The following ZNF804B variants were observed in gnomAD, a reference collection of about 807,000 sequenced individuals.
The protein encoded by ZNF804B is zinc finger protein 804B.
In ZNF804B, 80 loss-of-function variants were observed where a neutral mutation model predicts 101.4. That is an observed-to-expected ratio of 0.79 (90% CI 0.66 to 0.95). The LOEUF is 0.95. Ranked by LOEUF, ZNF804B falls within the 40% of genes least tolerant of loss-of-function variation. ZNF804B has a pLI of 0.00. For synonymous variants in ZNF804B, 622 were observed against 558.8 expected (o/e 1.11, Z -1.59); for missense variants, 1,673 against 1,561.9 (o/e 1.07, Z -1.20).
At chr7:89,306,067 A>T (rs10281869) in intron 2 of ZNF804B, among the ~76,000 whole-genome samples, 35,209 of 151,804 alleles carry the variant, frequency 0.23, 4,423 homozygotes, top group Admixed American at 0.28. Flanking sequence ...AAAATAAGGG[A>T]TATATAAAGA....
rs1791040593 is a variant in ZNF804B at position 89,334,464 on chromosome 7, A to G, written c.1482A>G (p.Leu494=). The G allele has an allele frequency of 6.2e-7, 1 of 1,613,822 alleles. No individual in the cohort carries two copies. Among genetic ancestry groups the G allele is most frequent in the Non-Finnish European group, 8.5e-7 (1 of 1,179,858 alleles). The change falls in exon 4 of 4, where the codon CTA becomes CTG. Residue 494 remains leucine (L), a synonymous_variant. Transcript: ENST00000333190. ...GGAACACAAAGGAAGACCACAATCT[A>G]GAGGACTTAAAAACAGAATTGGGTA... ...LSRNTKEDHN[L]EDLKTELGKK... is the part of the protein sequence containing the mutation.
intron 1 of ZNF804B, among the ~76,000 whole-genome samples, chr7:88,864,653 A>C (rs897675165): frequency 2.2e-4 from 33 of 152,158 alleles, no homozygotes; most frequent in Non-Finnish European, 5.9e-5. Flanking sequence ...CCCCTGGGTC[A>C]ACTGGCCCCA....
intron 1 of ZNF804B, among the ~76,000 whole-genome samples, chr7:88,818,034 A>C (rs953225859): frequency 7.2e-5 from 11 of 152,172 alleles, no homozygotes; most frequent in Non-Finnish European, 2.9e-5. Context: ...AGGCCACTTT[A>C]TTTCTCAGGC....
intron 1 of ZNF804B, among the ~76,000 whole-genome samples, chr7:88,779,294 T>C (rs1790190278): frequency 1.3e-5 from 2 of 152,214 alleles, no homozygotes; most frequent in African/African-American, 2.4e-5. Flanking sequence ...ATGAATTTTT[T>C]GTGCCCATTG....
chr7:88,991,557 T>C lies in ZNF804B; in HGVS notation c.109-226598T>C, dbSNP rs193195741. Among the ~76,000 whole-genome samples, 3 of 152,248 alleles carry C rather than the reference T, an allele frequency of 2.0e-5. No individual in the cohort carries two copies. The East Asian group carries it at 5.8e-4, about 30-fold the overall frequency. On this transcript the variant is annotated intron_variant, in intron 1 of 3. Coordinates refer to ENST00000333190, the MANE Select transcript of ZNF804B (RefSeq NM_181646.5). ...CTTCTGAGCTGTGTTCTTCAACCAG[T>C]TTCTCAGAAAATCCAGGAATCTAAC...
intron 1 of ZNF804B, among the ~76,000 whole-genome samples, chr7:88,865,150 C>T (rs971701053): frequency 6.6e-6 from 1 of 151,460 alleles, no homozygotes; most frequent in East Asian, 2.0e-4. Flanking sequence ...ATCACTTGAA[C>T]CCAGGAGGCG....
At chr7:89,054,053 G>A (rs1470259577) in intron 1 of ZNF804B, among the ~76,000 whole-genome samples, 1 of 151,850 alleles carries the variant, frequency 6.6e-6, no homozygotes, top group African/African-American at 2.4e-5. Context: ...CACTTAAAAT[G>A]TGGTTATTTG....
intron 1 of ZNF804B, among the ~76,000 whole-genome samples, chr7:88,778,421 A>G (rs1284709566): frequency 6.6e-6 from 1 of 152,220 alleles, no homozygotes; most frequent in East Asian, 1.9e-4. Flanking sequence ...CAGCACTCAC[A>G]GGTCCTGATC....
chr7:89,221,876 C>A (rs1584065587), intron 2 of ZNF804B, among the ~76,000 whole-genome samples: 1 of 152,032 alleles, frequency 6.6e-6, no homozygotes, highest in East Asian at 1.9e-4. Context: ...CTGTGTGCTA[C>A]TGTGTCCATT....
chr7:88,833,547 A>T (rs1232735137), intron 1 of ZNF804B, among the ~76,000 whole-genome samples: 1 of 92,172 alleles, frequency 1.1e-5, no homozygotes, highest in Non-Finnish European at 2.1e-5. Flanking sequence ...AGTAAAAGAT[A>T]GGAAAATTTA....
At chr7:89,038,141 G>A (rs1034872351) in intron 1 of ZNF804B, among the ~76,000 whole-genome samples, 1 of 152,122 alleles carries the variant, frequency 6.6e-6, no homozygotes, top group Non-Finnish European at 1.5e-5. Context: ...AAACACTGGG[G>A]TGCAGGTATC....
At chr7:89,299,627 C>T (rs961070066) in intron 2 of ZNF804B, among the ~76,000 whole-genome samples, 1 of 152,026 alleles carries the variant, frequency 6.6e-6, no homozygotes, top group East Asian at 1.9e-4. Flanking sequence ...TGCTTTTCAG[C>T]AATTTACTCA....
In ZNF804B at chr7:89,334,042, G is replaced by C; in HGVS notation, c.1060G>C (p.Glu354Gln). Reference protein sequence around the residue: ...ETRNTLKNTLENCVNHPCQAN... With the variant: ...ETRNTLKNTLQNCVNHPCQAN... ...TAGAAATACATTGAAGAACACTTTAGAAAATTGTGTTAATCACCCATGCCA... is the reference window on the plus strand; with the variant it reads ...TAGAAATACATTGAAGAACACTTTACAAAATTGTGTTAATCACCCATGCCA... Residue 354 changes from glutamate to glutamine, a missense_variant, in exon 4 of 4, where the codon GAA becomes CAA. Glu to Gln is a conservative substitution (Grantham distance 29). Transcript: ENST00000333190. 6.2e-7 allele frequency: 1 copy of C among 1,613,464 alleles called. No individual in the cohort carries two copies.
intron 1 of ZNF804B, among the ~76,000 whole-genome samples, chr7:88,792,594 G>A (rs1318732450): frequency 1.3e-5 from 2 of 151,860 alleles, no homozygotes; most frequent in Admixed American, 1.3e-4. Flanking sequence ...ATTTACTTAC[G>A]TTTCCAGTCA....
Position 89,023,180 on chromosome 7 carries a change from A to G in ZNF804B, c.109-194975A>G, listed in dbSNP as rs564020536. Among the ~76,000 whole-genome samples the G allele has an allele frequency of 1.0e-3, 153 of 152,300 alleles. 1 individual carries two copies. Among genetic ancestry groups the G allele is most frequent in the African/African-American group, 3.5e-3 (145 of 41,580 alleles). On this transcript the variant is annotated intron_variant, in intron 1 of 3. Transcript: ENST00000333190. ...AATAGATGGGTGGTGGCCACTCTAGATATTCATTTTATAAATGCAATTTCC... is the reference window on the plus strand; with the variant it reads ...AATAGATGGGTGGTGGCCACTCTAGGTATTCATTTTATAAATGCAATTTCC...
rs1792931721 is a variant in ZNF804B at position 88,934,082 on chromosome 7, T to C, written c.108+173998T>C. On this transcript the variant is annotated intron_variant, in intron 1 of 3. Coordinates refer to ENST00000333190, the MANE Select transcript of ZNF804B (RefSeq NM_181646.5). ...GTATAAAAATAGACATGTAGACCAA[T>C]AGGACAGAATAGAGAACCCAAAAAT... Among the ~76,000 whole-genome samples the C allele has an allele frequency of 3.3e-5, 5 of 151,860 alleles. 1 individual carries two copies. The highest frequency in any genetic ancestry group is 3.3e-4 in the Admixed American group (5 of 15,206).
chr7:88,785,119 C>G (rs1790281332), intron 1 of ZNF804B, among the ~76,000 whole-genome samples: 1 of 152,084 alleles, frequency 6.6e-6, no homozygotes, highest in South Asian at 2.1e-4. Context: ...CTGTATTGGA[C>G]AGTATAACGT....
At chr7:89,062,103 T>G (rs2116283289) in intron 1 of ZNF804B, among the ~76,000 whole-genome samples, 1 of 152,238 alleles carries the variant, frequency 6.6e-6, no homozygotes, top group African/African-American at 2.4e-5. Flanking sequence ...TGACCACTAC[T>G]TCCAGAAAGA....
intron 1 of ZNF804B, among the ~76,000 whole-genome samples, chr7:89,070,126 G>A (rs1789514171): frequency 6.6e-6 from 1 of 152,172 alleles, no homozygotes; most frequent in Admixed American, 6.6e-5. Context: ...AGATTTTTTA[G>A]ACTCTGTTCT....
Sources: allele counts gnomAD v4.1 joint callset (sites outside exome capture counted in the v4.1 genomes callset), GRCh38; gene constraint gnomAD v4.1.1; transcripts MANE v1.5; gene names NCBI Gene and HGNC (gene_info 2026-07-23, HGNC 2026-07-21).